The following DACH1 variants were observed in gnomAD, a reference collection of about 807,000 sequenced individuals.
DACH1 encodes dachshund homolog 1.
A neutral mutation model predicts 54.2 loss-of-function variants in DACH1; 12 were observed. The ratio of observed to expected loss-of-function variants is 0.22; its 90% CI spans 0.14 to 0.36. DACH1 has a LOEUF of 0.36. Ranked by LOEUF, DACH1 falls within the 10% of genes least tolerant of loss-of-function variation. The pLI, the probability that DACH1 is intolerant of heterozygous loss-of-function variation, is 1.00. For missense variants in DACH1, 805 were observed against 929.8 expected (o/e 0.87, Z 1.75); for synonymous variants, 386 against 366.2 (o/e 1.05, Z -0.62).
At chr13:71,611,460 T>A (rs756295705) in intron 3 of DACH1, among the ~76,000 whole-genome samples, 1 of 152,300 alleles carries the variant, frequency 6.6e-6, no homozygotes, top group Non-Finnish European at 1.5e-5. Context: ...GCGGAATAGA[T>A]CTTCAACAGG....
At chr13:71,847,308 T>C (rs1873347596) in intron 1 of DACH1, among the ~76,000 whole-genome samples, 1 of 152,212 alleles carries the variant, frequency 6.6e-6, no homozygotes, top group Non-Finnish European at 1.5e-5. Flanking sequence ...AAATGCCCCA[T>C]AATTATGAAT....
intron 3 of DACH1, among the ~76,000 whole-genome samples, chr13:71,629,687 G>A (rs903671076): frequency 4.6e-5 from 7 of 152,038 alleles, no homozygotes; most frequent in East Asian, 1.9e-4. Flanking sequence ...CTGAATGGCC[G>A]TGAGTTATTA....
intron 4 of DACH1, among the ~76,000 whole-genome samples, chr13:71,565,396 C>G (rs1215681272): frequency 1.3e-5 from 2 of 151,988 alleles, no homozygotes; most frequent in Non-Finnish European, 2.9e-5. Flanking sequence ...ACAAAACTGA[C>G]AAAAATTATT....
chr13:71,805,828 G>C (rs1887474732), intron 1 of DACH1, among the ~76,000 whole-genome samples: 1 of 151,950 alleles, frequency 6.6e-6, no homozygotes, highest in Non-Finnish European at 1.5e-5. Flanking sequence ...TTTTGAGATG[G>C]AATCTAGCTC....
At chr13:71,752,381 A>G (rs891596855) in intron 1 of DACH1, among the ~76,000 whole-genome samples, 1 of 152,166 alleles carries the variant, frequency 6.6e-6, no homozygotes, top group Non-Finnish European at 1.5e-5. Flanking sequence ...ATTAGTGTCT[A>G]TCAAAATAGT....
chr13:71,637,432 C>A (rs1877569587), intron 2 of DACH1, among the ~76,000 whole-genome samples: 2 of 152,124 alleles, frequency 1.3e-5, no homozygotes, highest in Admixed American at 1.3e-4. Context: ...AAGTACCTAA[C>A]AGCATAGGGT....
At chr13:71,646,853 A>G (rs1878307711) in intron 2 of DACH1, among the ~76,000 whole-genome samples, 1 of 152,212 alleles carries the variant, frequency 6.6e-6, no homozygotes. Flanking sequence ...TCTGAAAGAC[A>G]ATTGCAATAA....
At chr13:71,582,177 C>G (rs1872899795) in intron 3 of DACH1, among the ~76,000 whole-genome samples, 1 of 152,078 alleles carries the variant, frequency 6.6e-6, no homozygotes, top group Non-Finnish European at 1.5e-5. Context: ...TCCTGAAGAG[C>G]TGAGCAAGAA....
In DACH1 at chr13:71,475,660, G is replaced by A. The variant is rs1464861449; in HGVS notation, c.2014+46C>T. 9 of 1,568,584 alleles carry A rather than the reference G, an allele frequency of 5.7e-6. No homozygotes were observed. The South Asian group carries it at 1.1e-4, about 18-fold the overall frequency. ...AACACATGCCTAAACTGTCCTTTAAGCATTAAAAATGACAGTTATTCATGC... is the reference window on the plus strand; with the variant it reads ...AACACATGCCTAAACTGTCCTTTAAACATTAAAAATGACAGTTATTCATGC... On this transcript the variant is annotated intron_variant, in intron 9 of 10. Transcript: ENST00000613252.
intron 1 of DACH1, among the ~76,000 whole-genome samples, chr13:71,795,017 A>C (rs891257578): frequency 2.6e-5 from 4 of 152,134 alleles, no homozygotes; most frequent in African/African-American, 7.2e-5. Flanking sequence ...AATTTCAATA[A>C]ACCATTATTG....
intron 1 of DACH1, among the ~76,000 whole-genome samples, chr13:71,711,790 T>C (rs976176024): frequency 8.5e-5 from 13 of 152,170 alleles, no homozygotes; most frequent in African/African-American, 2.9e-4. Context: ...CTATAAATGA[T>C]ATGATAAAAG....
intron 10 of DACH1, among the ~76,000 whole-genome samples, chr13:71,467,240 T>C (rs1303161662): frequency 6.6e-6 from 1 of 150,764 alleles, no homozygotes; most frequent in East Asian, 2.0e-4. Context: ...GTATTACTTT[T>C]TAAAATATAT....
In DACH1 at chr13:71,440,508, T is replaced by G; in HGVS notation, c.*147A>C. On this transcript the variant is annotated 3_prime_UTR_variant, in exon 11 of 11. Transcript: ENST00000613252. ...ATGGAGAAAACTTTTTTTTTTTTTG[T>G]AGAATACTTAAACTTTTAAAGAACA... The G allele has an allele frequency of 1.7e-6, 1 of 584,652 alleles. No individual in the cohort carries two copies. The highest frequency in any genetic ancestry group is 3.5e-5 in the East Asian group (1 of 28,966). 36.2% of individuals were successfully genotyped at this position (584,652 alleles called of 1,614,324 possible). A position where few individuals can be genotyped will look rare whatever the true frequency, so the allele number is the denominator to read the frequency against.
intron 1 of DACH1, among the ~76,000 whole-genome samples, chr13:71,847,712 C>T (rs17195378): frequency 1.7e-3 from 256 of 151,996 alleles, no homozygotes; most frequent in Non-Finnish European, 2.9e-3. Context: ...TAGCCAAATG[C>T]CATGGAGAAA....
At chr13:71,801,720 C>T (rs1887295417) in intron 1 of DACH1, among the ~76,000 whole-genome samples, 2 of 151,978 alleles carry the variant, frequency 1.3e-5, no homozygotes, top group Admixed American at 6.6e-5. Context: ...GAATTGTTTC[C>T]CATTTGCCCC....
intron 2 of DACH1, among the ~76,000 whole-genome samples, chr13:71,670,562 T>C (rs1880147677): frequency 6.6e-6 from 1 of 152,122 alleles, no homozygotes; most frequent in South Asian, 2.1e-4. Context: ...TTCAGTGTTA[T>C]GAAATAATAC....
At chr13:71,591,795 G>A (rs1045482012) in intron 3 of DACH1, among the ~76,000 whole-genome samples, 1 of 152,020 alleles carries the variant, frequency 6.6e-6, no homozygotes, top group Non-Finnish European at 1.5e-5. Flanking sequence ...AGAACATCCA[G>A]GTTACATTAA....
chr13:71,483,548 A>C (rs1878240544), intron 7 of DACH1, among the ~76,000 whole-genome samples: 1 of 147,424 alleles, frequency 6.8e-6, no homozygotes, highest in Admixed American at 6.8e-5. Flanking sequence ...TATAATTATA[A>C]TTTTATAATT....
chr13:71,668,562 C>T (rs1264169296), intron 2 of DACH1, among the ~76,000 whole-genome samples: 1 of 151,566 alleles, frequency 6.6e-6, no homozygotes, highest in Non-Finnish European at 1.5e-5. Context: ...CATAAGAGAA[C>T]TGTATCAGGG....
Sources: allele counts gnomAD v4.1 joint callset (sites outside exome capture counted in the v4.1 genomes callset), GRCh38; gene constraint gnomAD v4.1.1; transcripts MANE v1.5; gene names NCBI Gene and HGNC (gene_info 2026-07-23, HGNC 2026-07-21).